Variants in TMEM266 observed in about 807,000 individuals in gnomAD.
TMEM266 encodes the protein Hv1 related protein 1.
A neutral mutation model predicts 50.5 loss-of-function variants in TMEM266; 33 were observed. The ratio of observed to expected loss-of-function variants is 0.65; its 90% CI spans 0.50 to 0.87. The LOEUF is 0.87. Among genes scored for constraint, TMEM266 ranks in the 40% least tolerant of loss-of-function variants. TMEM266 has a pLI of 0.00. For synonymous variants in TMEM266, 310 were observed against 292.3 expected (o/e 1.06, Z -0.62); for missense variants, 655 against 695.1 (o/e 0.94, Z 0.65).
chr15:76,185,761 C>T (rs1197101174), intron 8 of TMEM266, among the ~76,000 whole-genome samples: 5 of 152,166 alleles, frequency 3.3e-5, no homozygotes, highest in African/African-American at 7.2e-5. Flanking sequence ...TCTCTGGGAA[C>T]GGGGCATTTT....
At chr15:76,101,725 A>C (rs979093471) in intron 1 of TMEM266, among the ~76,000 whole-genome samples, 24 of 152,354 alleles carry the variant, frequency 1.6e-4, no homozygotes, top group Middle Eastern at 3.4e-3. Flanking sequence ...AAGAGGGGAT[A>C]CACCGCTCCC....
intron 1 of TMEM266, among the ~76,000 whole-genome samples, chr15:76,072,184 A>G (rs1201634076): frequency 1.3e-5 from 2 of 152,084 alleles, no homozygotes; most frequent in African/African-American, 4.8e-5. Flanking sequence ...CATACCTGTA[A>G]TCCCAGCACT....
chr15:76,070,410 T>G (rs1187032363), intron 1 of TMEM266, among the ~76,000 whole-genome samples: 1 of 152,218 alleles, frequency 6.6e-6, no homozygotes, highest in Non-Finnish European at 1.5e-5. Context: ...ACTATGGAAA[T>G]TCAACTGTTT....
At chr15:76,167,111 G>A (rs960815241) in intron 5 of TMEM266, among the ~76,000 whole-genome samples, 18 of 152,290 alleles carry the variant, frequency 1.2e-4, no homozygotes, top group African/African-American at 4.1e-4. Context: ...GGCTATTGTA[G>A]CATTTCAGAG....
chr15:76,065,837 A>G lies in TMEM266; in HGVS notation c.-97+5821A>G, dbSNP rs116663094. On this transcript the variant is annotated intron_variant, in intron 1 of 10. Transcript: ENST00000388942. ...GATCTGGCTCTCGTTTAGTTTGTTTATATCTCAGACCCTCCCCAGTGTGCG... is the reference window on the plus strand; with the variant it reads ...GATCTGGCTCTCGTTTAGTTTGTTTGTATCTCAGACCCTCCCCAGTGTGCG... Among the ~76,000 whole-genome samples the G allele has an allele frequency of 6.4e-3, 971 of 152,146 alleles. 12 individuals carry two copies. Among genetic ancestry groups the G allele is most frequent in the African/African-American group, 0.023 (953 of 41,452 alleles).
At chr15:76,166,865 G>A (rs2038105055) in intron 5 of TMEM266, among the ~76,000 whole-genome samples, 1 of 152,200 alleles carries the variant, frequency 6.6e-6, no homozygotes, top group Non-Finnish European at 1.5e-5. Context: ...GTGCATGGTG[G>A]TGATGGCTGC....
At chr15:76,182,044 A>C (rs1315261028) in intron 8 of TMEM266, among the ~76,000 whole-genome samples, 1 of 152,008 alleles carries the variant, frequency 6.6e-6, no homozygotes, top group Non-Finnish European at 1.5e-5. Context: ...ATCCGGGGTG[A>C]CTCAAGGTCC....
rs1290290968 is a variant in TMEM266 at position 76,119,359 on chromosome 15, AT to A, written c.-96-14807del. Among the ~76,000 whole-genome samples the A allele has an allele frequency of 4.3e-5, 6 of 139,518 alleles. No individual in the cohort carries two copies. The East Asian group carries it at 1.3e-3, about 30-fold the overall frequency. The allele number at this position is 139,518 out of a possible 152,430, so 91.5% of individuals were successfully genotyped here. ...CAAGGTTTAATCTCAAGGTTATGCT[AT>A]TGGTTTCGTTTAGGGGGTTAGGGTT... On this transcript the variant is annotated intron_variant, in intron 1 of 10. Coordinates refer to ENST00000388942, the MANE Select transcript of TMEM266 (RefSeq NM_152335.3).
rs1193492327 is a variant in TMEM266, at chr15:76,168,540, G to A, written c.457-1276G>A. Reference sequence around the variant, plus strand: ...GGAAGAGCCTGCAGACAAATGCACCGGCATCTTACGAGACCAGCATTTAGG... The same window carrying A: ...GGAAGAGCCTGCAGACAAATGCACCAGCATCTTACGAGACCAGCATTTAGG... On this transcript the variant is annotated intron_variant, in intron 5 of 10. Transcript: ENST00000388942. The surrounding 1 kb of genome is among the most constrained non-coding windows in gnomAD (Gnocchi z 4.4). Among the ~76,000 whole-genome samples the A allele has an allele frequency of 5.9e-5, 9 of 152,176 alleles. No homozygotes were observed. The highest frequency in any genetic ancestry group is 1.0e-4 in the Non-Finnish European group (7 of 68,030).
intron 1 of TMEM266, among the ~76,000 whole-genome samples, chr15:76,114,821 G>T (rs1567155988): frequency 6.6e-6 from 1 of 152,176 alleles, no homozygotes; most frequent in East Asian, 1.9e-4. Flanking sequence ...CCCCATTAAA[G>T]TCACTCTCTC....
At chr15:76,127,640 C>T (rs999476615) in intron 1 of TMEM266, among the ~76,000 whole-genome samples, 1 of 152,102 alleles carries the variant, frequency 6.6e-6, no homozygotes, top group African/African-American at 2.4e-5. Context: ...GTCTTCATTG[C>T]CTAAGTCACT....
intron 8 of TMEM266, among the ~76,000 whole-genome samples, chr15:76,189,246 A>G (rs2038531453): frequency 6.6e-6 from 1 of 150,882 alleles, no homozygotes; most frequent in Admixed American, 6.6e-5. Context: ...GGAGGAAGGG[A>G]AGGAGGGAAG....
intron 8 of TMEM266, among the ~76,000 whole-genome samples, chr15:76,180,031 T>C (rs546771187): frequency 1.3e-5 from 2 of 152,332 alleles, no homozygotes; most frequent in African/African-American, 4.8e-5. Flanking sequence ...TACAACTATT[T>C]CAACTATTTG....
In TMEM266 at chr15:76,153,130, C is replaced by T. The variant is rs2037869412; in HGVS notation, c.228-3474C>T. On this transcript the variant is annotated intron_variant, in intron 3 of 10. Coordinates refer to ENST00000388942, the MANE Select transcript of TMEM266 (RefSeq NM_152335.3). This position sits in a 1 kb window ranked among gnomAD's most constrained non-coding sequence, Gnocchi z 4.2. ...CACCTGATATGGTTAGTAAGTTTCT[C>T]TAACAAAAAAAAAAAGAAGAAAAAA... is the stretch of plus-strand genomic sequence containing the variant. 1.1e-5 allele frequency among the ~76,000 whole-genome samples: 1 copy of T among 87,818 alleles called. No homozygotes were observed. The highest frequency in any genetic ancestry group is 3.3e-4 in the East Asian group (1 of 3,056). 57.6% of individuals were successfully genotyped at this position (87,818 alleles called of 152,430 possible).
chr15:76,195,699 G>C (rs116710868), intron 9 of TMEM266, among the ~76,000 whole-genome samples: 1 of 152,188 alleles, frequency 6.6e-6, no homozygotes, highest in African/African-American at 2.4e-5. Flanking sequence ...AAGCACTCCC[G>C]GTACAGCTGC....
chr15:76,123,992 C>T (rs1190500811), intron 1 of TMEM266, among the ~76,000 whole-genome samples: 4 of 152,156 alleles, frequency 2.6e-5, no homozygotes, highest in South Asian at 2.1e-4. Context: ...GGATTACAGG[C>T]GTGAGCCACC....
At chr15:76,138,546 A>G (rs2037627781) in intron 3 of TMEM266, among the ~76,000 whole-genome samples, 1 of 152,226 alleles carries the variant, frequency 6.6e-6, no homozygotes, top group African/African-American at 2.4e-5. Flanking sequence ...CACAGAGCCC[A>G]TAAGGGATGG....
At chr15:76,141,254 G>A (rs1015772984) in intron 3 of TMEM266, among the ~76,000 whole-genome samples, 1 of 68,550 alleles carries the variant, frequency 1.5e-5, no homozygotes, top group Non-Finnish European at 3.2e-5. Flanking sequence ...TTTTTTTTTT[G>A]AGACAAAGTC....
At chr15:76,093,301 C>T (rs1036865823) in intron 1 of TMEM266, among the ~76,000 whole-genome samples, 4 of 151,680 alleles carry the variant, frequency 2.6e-5, no homozygotes, top group South Asian at 2.1e-4. Context: ...CCCCCACCCC[C>T]CAACAGGCCC....
Sources: gnomAD v4.1 joint callset for allele counts (sites outside exome capture counted in the v4.1 genomes callset) on GRCh38, gnomAD v4.1.1 for gene constraint, Gnocchi (gnomAD v3.1) non-coding constraint, MANE v1.5 for transcripts, NCBI Gene and HGNC (gene_info 2026-07-23, HGNC 2026-07-21) for gene names.